The following SPOCD1 variants were observed in gnomAD, a reference collection of about 807,000 sequenced individuals.
SPOCD1 encodes the protein SPOC domain containing 1, also known as SPOC domain-containing protein 1.
SPOCD1 carries 64 observed loss-of-function variants against 92.2 expected under a neutral mutation model. That is an observed-to-expected ratio of 0.69 (90% CI 0.57 to 0.86). The LOEUF is 0.86. SPOCD1 is among the 40% of genes least tolerant of loss of function. SPOCD1 has a pLI of 0.00. For synonymous variants in SPOCD1, 578 were observed against 619.3 expected, an observed-to-expected ratio of 0.93 and a Z score of 0.99; for missense variants, 1,360 against 1,543.1, an observed-to-expected ratio of 0.88 and a Z score of 1.99.
chr1:31,800,624 G>A lies in SPOCD1; in HGVS notation c.1426-7C>T. ...TCACTGGCCCGGAACCCAGCTGCGG[G>A]GGAGATCGCACTTCAGAAGCAAGCG... On this transcript the variant is annotated splice_polypyrimidine_tract_variant and splice_region_variant and intron_variant, in intron 3 of 15. Transcript: ENST00000360482. 2 of 1,594,818 alleles carry A rather than the reference G, an allele frequency of 1.3e-6. No individual in the cohort carries two copies. Among genetic ancestry groups the A allele is most frequent in the Non-Finnish European group, 1.7e-6 (2 of 1,167,932 alleles).
intron 2 of SPOCD1, among the ~76,000 whole-genome samples, chr1:31,802,957 G>A (rs1648562420): frequency 1.3e-5 from 2 of 151,494 alleles, no homozygotes; most frequent in African/African-American, 4.9e-5. Context: ...TTTGAACCAT[G>A]GAAATGAATC....
rs528757311 is a variant in SPOCD1, at chr1:31,791,835, T to C, written c.2962+380A>G. On this transcript the variant is annotated intron_variant, in intron 15 of 15. Coordinates refer to ENST00000360482, the MANE Select transcript of SPOCD1 (RefSeq NM_144569.7). Reference sequence around the variant, plus strand: ...TAGGGGCCAGGTTTCTGAAGCCATGTTGTGCTTCACACAACGTGTGAACAG... The same window carrying C: ...TAGGGGCCAGGTTTCTGAAGCCATGCTGTGCTTCACACAACGTGTGAACAG... Among the ~76,000 whole-genome samples the C allele has an allele frequency of 3.3e-5, 5 of 152,366 alleles. No individual in the cohort carries two copies. The East Asian group carries it at 7.7e-4, about 23-fold the overall frequency.
At chr1:31,803,646 C>A in intron 2 of SPOCD1, among the ~76,000 whole-genome samples, 1 of 151,534 alleles carries the variant, frequency 6.6e-6, no homozygotes, top group East Asian at 1.9e-4. Flanking sequence ...GAGGCTGAGG[C>A]GGCAGAATTG....
rs1265201954 is a variant in SPOCD1 at position 31,800,432 on chromosome 1, G to T, written c.1602+9C>A. 4 of 1,563,220 alleles carry T rather than the reference G, an allele frequency of 2.6e-6. No individual in the cohort carries two copies. Among genetic ancestry groups the T allele is most frequent in the Non-Finnish European group, 3.5e-6 (4 of 1,151,582 alleles). On this transcript the variant is annotated intron_variant, in intron 4 of 15. Transcript: ENST00000360482. Reference sequence around the variant, plus strand: ...TCAGCAGGATTAAATGACATCACTTGTTCTGTACCTGGCACCCAGCAGGGC... The same window carrying T: ...TCAGCAGGATTAAATGACATCACTTTTTCTGTACCTGGCACCCAGCAGGGC...
rs776087777 is a variant in SPOCD1 at position 31,798,611 on chromosome 1, C to G, written c.1869-10G>C. 1.1e-5 allele frequency: 18 copies of G among 1,611,176 alleles called. No individual in the cohort carries two copies. Among genetic ancestry groups the G allele is most frequent in the Middle Eastern group, 1.7e-4 (1 of 6,058 alleles). ...TGGGAGCTCCCGAAGGCTGTGGAGGCCAGGGCAGGGCGGGGGCACTGAGCC... is the reference window on the plus strand; with the variant it reads ...TGGGAGCTCCCGAAGGCTGTGGAGGGCAGGGCAGGGCGGGGGCACTGAGCC... On this transcript the variant is annotated splice_polypyrimidine_tract_variant and intron_variant, in intron 7 of 15. Coordinates refer to ENST00000360482, the MANE Select transcript of SPOCD1 (RefSeq NM_144569.7). This position sits in a 1 kb window ranked among gnomAD's most constrained non-coding sequence, Gnocchi z 4.1.
chr1:31,793,072 A>G (rs975529382), intron 13 of SPOCD1, among the ~76,000 whole-genome samples: 3 of 152,272 alleles, frequency 2.0e-5, no homozygotes, highest in Middle Eastern at 6.8e-3. Context: ...CCTTCTTGCT[A>G]TGGGTGACAG....
At position 31,800,023 on chromosome 1, in the gene SPOCD1, C is replaced by G; in HGVS notation, c.1721G>C (p.Cys574Ser). Residue 574 changes from cysteine (C) to serine (S), a missense_variant, in exon 5 of 16, where the codon TGT becomes TCT. Transcript: ENST00000360482. ...CGGGGCAGAACAACTTGCCTGGGAA[C>G]ATGCAGGGTCCGAGCTGGGGTCGCC... ...ALGDPSSDPACSQSGPMEAEE... is the reference protein window; with the variant it reads ...ALGDPSSDPASSQSGPMEAEE... 1 of 1,612,080 alleles carries G rather than the reference C, an allele frequency of 6.2e-7. No homozygotes were observed. Among genetic ancestry groups the G allele is most frequent in the Non-Finnish European group, 8.5e-7 (1 of 1,178,996 alleles).
chr1:31,792,799 C>G (rs765698372), intron 13 of SPOCD1, 32 bp from the exon 14 acceptor site: 99 of 1,535,936 alleles, frequency 6.4e-5, no homozygotes, highest in Non-Finnish European at 7.8e-5. Context: ...AGTCAGCTCC[C>G]CAGCTTCCCA....
chr1:31,797,805 T>C (rs1168675027), intron 9 of SPOCD1, among the ~76,000 whole-genome samples: 2 of 152,196 alleles, frequency 1.3e-5, no homozygotes, highest in Non-Finnish European at 2.9e-5. Flanking sequence ...CCAGGGGCTA[T>C]GGGGCCCCTC....
intron 9 of SPOCD1, among the ~76,000 whole-genome samples, chr1:31,796,981 C>G (rs982294810): frequency 3.3e-5 from 5 of 152,194 alleles, no homozygotes; most frequent in Admixed American, 3.3e-4. Context: ...CAACCTCTGA[C>G]GGTACCTCAT....
At chr1:31,801,810 A>G in intron 2 of SPOCD1, 105 bp from the exon 3 acceptor site, 1 of 961,272 alleles carries the variant, frequency 1.0e-6, no homozygotes, top group Non-Finnish European at 1.7e-6. Context: ...GTGTGTGTTC[A>G]GTGTTCACTG....
chr1:31,814,639 G>C lies in SPOCD1; in HGVS notation c.695C>G (p.Pro232Arg). 2.0e-6 allele frequency: 3 copies of C among 1,536,182 alleles called. No individual in the cohort carries two copies. The highest frequency in any genetic ancestry group is 2.6e-6 in the Non-Finnish European group (3 of 1,142,106). The change falls in exon 2 of 16, where the codon CCT (proline) becomes CGT (arginine). Residue 232 changes from proline to arginine, a missense_variant. Coordinates refer to ENST00000360482, the MANE Select transcript of SPOCD1 (RefSeq NM_144569.7). The surrounding 1 kb of genome is among the most constrained non-coding windows in gnomAD (Gnocchi z 4.2). ...AGDFLWLDQS[P>R]RGDNLLSVGD... ...CACAGACAGGAGGTTGTCCCCACGA[G>C]GGCTCTGATCAAGCCACAGGAAGTC...
At position 31,801,661 on chromosome 1, in the gene SPOCD1, T is replaced by TACG. The variant is rs1557824515; in HGVS notation, c.1425_1425+2dup. 6.2e-7 allele frequency: 1 copy of TACG among 1,613,526 alleles called. No individual in the cohort carries two copies. The stretch of plus-strand genomic sequence containing the variant: ...AAAGCAATAATAAAATGTAAAAACC[T>TACG]ACGTAGCACACAAGCTTCACTCCAT... On this transcript the variant is annotated splice_region_variant and intron_variant, in intron 3 of 15. Transcript: ENST00000360482.
rs2149093376 is a variant in SPOCD1, at chr1:31,791,160, T to C, written c.3094A>G (p.Lys1032Glu). The C allele has an allele frequency of 6.2e-7, 1 of 1,612,786 alleles. No homozygotes were observed. Among genetic ancestry groups the C allele is most frequent in the East Asian group, 2.2e-5 (1 of 44,862 alleles). The change falls in exon 16 of 16, where the codon AAG becomes GAG. Residue 1032 changes from lysine to glutamate, a missense_variant. Physicochemically the swap from Lys to Glu is moderately conservative, Grantham distance 56 (BLOSUM62 1). This residue lies in a region of SPOCD1 where 614 missense variants were observed against 757.8 expected (regional missense o/e 0.81). Transcript: ENST00000360482. ...DTAGSSPWLG[K>E]VQKMVSFNSK... ...TTGAAGGAGACCATCTTTTGAACCT[T>C]CCCCAACCAGGGGCTGGACCCTGCT...
chr1:31,799,738 G>GGAT, intron 6 of SPOCD1, 71 bp downstream of exon 6: 1 of 1,540,044 alleles, frequency 6.5e-7, no homozygotes. Context: ...GGGCCCAGGA[G>GGAT]CTGGGCCTGA....
chr1:31,793,154 G>A lies in SPOCD1; in HGVS notation c.2685+124C>T, dbSNP rs1388542196. 3.2e-6 allele frequency: 4 copies of A among 1,252,354 alleles called. No individual in the cohort carries two copies. In the South Asian group the frequency reaches 4.5e-5, roughly 14 times the overall value. 77.6% of individuals were successfully genotyped at this position (1,252,354 alleles called of 1,614,324 possible). On this transcript the variant is annotated intron_variant, in intron 13 of 15. Coordinates refer to ENST00000360482, the MANE Select transcript of SPOCD1 (RefSeq NM_144569.7). ...CATTTGCCCCCATGCCCTGCACAGG[G>A]CCAGGCACAGAAAGGGGTGCCCATG...
chr1:31,804,368 A>G (rs1156402359), intron 2 of SPOCD1, among the ~76,000 whole-genome samples: 1 of 152,214 alleles, frequency 6.6e-6, no homozygotes, highest in Non-Finnish European at 1.5e-5. Context: ...TCCAGAGGCC[A>G]TAACTTCAAC....
chr1:31,798,958 G>A lies in SPOCD1; in HGVS notation c.1869-357C>T. 3.7e-6 allele frequency: 2 copies of A among 545,166 alleles called. No homozygotes were observed. The highest frequency in any genetic ancestry group is 5.4e-5 in the South Asian group (2 of 36,894). The allele number at this position is 545,166 out of a possible 1,614,324, so 33.8% of individuals were successfully genotyped here. ...GAAGCCGGGGTCAGGTCAGAGTAAG[G>A]CAGGAGTCAGGGGGAGAGAATGGAG... On this transcript the variant is annotated intron_variant, in intron 7 of 15. Coordinates refer to ENST00000360482, the MANE Select transcript of SPOCD1 (RefSeq NM_144569.7). This position sits in a 1 kb window ranked among gnomAD's most constrained non-coding sequence, Gnocchi z 4.1.
chr1:31,794,276 T>C (rs755242963), intron 10 of SPOCD1, 41 bp from the exon 11 acceptor site: 15 of 1,542,454 alleles, frequency 9.7e-6, no homozygotes, highest in Middle Eastern at 3.4e-4. Flanking sequence ...AAAACGTGGC[T>C]GGGGGTGCCC....
Sources: gnomAD v4.1 joint callset for allele counts (sites outside exome capture counted in the v4.1 genomes callset) on GRCh38, gnomAD v4.1.1 for gene constraint, gnomAD v4.1.1 regional missense constraint, Gnocchi (gnomAD v3.1) non-coding constraint, MANE v1.5 for transcripts, NCBI Gene and HGNC (gene_info 2026-07-23, HGNC 2026-07-21) for gene names.